The following CLVS2 variants were observed in gnomAD, a reference collection of about 807,000 sequenced individuals.
CLVS2 encodes the protein clavesin-2.
CLVS2 carries 19 observed loss-of-function variants against 29.0 expected under a neutral mutation model. That is an observed-to-expected ratio of 0.66 (90% CI 0.46 to 0.96). The LOEUF (loss-of-function observed/expected upper bound fraction) is 0.96. Ranked by LOEUF, CLVS2 falls within the 40% of genes least tolerant of loss-of-function variation. The pLI, the probability that CLVS2 is intolerant of heterozygous loss-of-function variation, is 0.00. For missense variants in CLVS2, 294 were observed against 404.1 expected, an observed-to-expected ratio of 0.73 and a Z score of 2.34; for synonymous variants, 161 against 151.3, an observed-to-expected ratio of 1.06 and a Z score of -0.47.
At chr6:123,046,211 A>G (rs879715323) in intron 3 of CLVS2, among the ~76,000 whole-genome samples, 12 of 152,182 alleles carry the variant, frequency 7.9e-5, no homozygotes, top group Non-Finnish European at 1.3e-4. Context: ...CTCTGCCTCA[A>G]CTGTGATTGG....
chr6:123,004,118 A>G lies in CLVS2; in HGVS notation c.389+5952A>G, dbSNP rs552841926. 2.0e-5 allele frequency among the ~76,000 whole-genome samples: 3 copies of G among 152,356 alleles called. No individual in the cohort carries two copies. In the South Asian group the frequency reaches 6.2e-4, roughly 32 times the overall value. ...AATTAGGAACAGAACGTTAAGATGG[A>G]AGAATAAACTTTCTGAAGTCAAAGA... On this transcript the variant is annotated intron_variant, in intron 2 of 5. Coordinates refer to ENST00000275162, the MANE Select transcript of CLVS2 (RefSeq NM_001010852.4).
chr6:123,071,017 C>G lies in CLVS2; in HGVS notation c.*7256C>G, dbSNP rs766594840. 1 of 152,080 alleles carries G rather than the reference C, an allele frequency of 6.6e-6. No homozygotes were observed. The highest frequency in any genetic ancestry group is 2.1e-4 in the South Asian group (1 of 4,824). 9.4% of individuals were successfully genotyped at this position (152,080 alleles called of 1,614,324 possible). The stretch of plus-strand genomic sequence containing the variant: ...CCTGTGGTTCTTCATATTCTCCTTT[C>G]CTGCTGTATTTCCTCTCCATAGCAT... On this transcript the variant is annotated 3_prime_UTR_variant, in exon 6 of 6. Transcript: ENST00000275162.
intron 3 of CLVS2, among the ~76,000 whole-genome samples, chr6:123,022,494 G>A (rs1475997644): frequency 6.6e-6 from 1 of 151,964 alleles, no homozygotes; most frequent in Non-Finnish European, 1.5e-5. Flanking sequence ...TTAGCATAAT[G>A]GTGGTAGGAG....
rs1774548485 is a variant in CLVS2, at chr6:122,998,744, G to T, written c.389+578G>T. On this transcript the variant is annotated intron_variant, in intron 2 of 5. Coordinates refer to ENST00000275162, the MANE Select transcript of CLVS2 (RefSeq NM_001010852.4). Reference sequence around the variant, plus strand: ...TGTCCCTTCAGTGAAAGGAAGAGTTGCATCCTCTGTCGCTGAGCATGCCTG... The same window carrying T: ...TGTCCCTTCAGTGAAAGGAAGAGTTTCATCCTCTGTCGCTGAGCATGCCTG... Among the ~76,000 whole-genome samples, 4 of 152,272 alleles carry T rather than the reference G, an allele frequency of 2.6e-5. No individual in the cohort carries two copies. In the South Asian group the frequency reaches 8.3e-4, roughly 32 times the overall value.
intron 3 of CLVS2, among the ~76,000 whole-genome samples, chr6:123,027,918 A>C (rs1440998127): frequency 6.6e-6 from 1 of 152,234 alleles, no homozygotes; most frequent in Admixed American, 6.5e-5. Flanking sequence ...TTATTATATT[A>C]ATGTACTGTG....
At chr6:123,004,273 AG>A (rs1243616999) in intron 2 of CLVS2, among the ~76,000 whole-genome samples, 4 of 152,074 alleles carry the variant, frequency 2.6e-5, no homozygotes, top group Admixed American at 6.5e-5. Context: ...TAGATGCAAA[AG>A]TTTTTTCTTT....
rs991024034 is a variant in CLVS2, at chr6:123,066,289, G to A, written c.*2528G>A. ...AATAACCTATACACTATAGTTGTATGCCTATAAGCACTCCTATACTCTTGT... is the reference window on the plus strand; with the variant it reads ...AATAACCTATACACTATAGTTGTATACCTATAAGCACTCCTATACTCTTGT... On this transcript the variant is annotated 3_prime_UTR_variant, in exon 6 of 6. Transcript: ENST00000275162. 2.0e-5 allele frequency: 3 copies of A among 151,386 alleles called. No individual in the cohort carries two copies. The highest frequency in any genetic ancestry group is 7.3e-5 in the African/African-American group (3 of 41,242). The allele number at this position is 151,386 out of a possible 1,614,324, so 9.4% of individuals were successfully genotyped here. A position where few individuals can be genotyped will look rare whatever the true frequency, so the allele number is the denominator to read the frequency against.
intron 3 of CLVS2, among the ~76,000 whole-genome samples, chr6:123,030,236 C>T (rs1775064155): frequency 6.6e-6 from 1 of 151,912 alleles, no homozygotes; most frequent in Non-Finnish European, 1.5e-5. Flanking sequence ...CATTTCTATC[C>T]GTGTTGGATC....
chr6:123,059,979 T>C (rs1483421681), intron 5 of CLVS2, among the ~76,000 whole-genome samples: 1 of 152,186 alleles, frequency 6.6e-6, no homozygotes, highest in East Asian at 1.9e-4. Context: ...ACATTTATGA[T>C]TCTATGGAAA....
Position 123,067,306 on chromosome 6 carries a change from C to T in CLVS2, c.*3545C>T, listed in dbSNP as rs1480735542. 2 of 151,604 alleles carry T rather than the reference C, an allele frequency of 1.3e-5. No homozygotes were observed. The highest frequency in any genetic ancestry group is 6.6e-5 in the Admixed American group (1 of 15,154). 9.4% of individuals were successfully genotyped at this position (151,604 alleles called of 1,614,324 possible). The stretch of plus-strand genomic sequence containing the variant: ...TGGGGAATATGTTTATGACTCTTCA[C>T]ATAAAGAAACCTTCAGAGCCATGGA... On this transcript the variant is annotated 3_prime_UTR_variant, in exon 6 of 6. Transcript: ENST00000275162.
At chr6:123,016,414 C>CT (rs925302809) in intron 3 of CLVS2, among the ~76,000 whole-genome samples, 1 of 151,382 alleles carries the variant, frequency 6.6e-6, no homozygotes, top group Non-Finnish European at 1.5e-5. Flanking sequence ...GAAACTTGGA[C>CT]TTTTTTATAA....
chr6:123,063,818 C>A lies in CLVS2; in HGVS notation c.*57C>A. On this transcript the variant is annotated 3_prime_UTR_variant, in exon 6 of 6. Coordinates refer to ENST00000275162, the MANE Select transcript of CLVS2 (RefSeq NM_001010852.4). ...AATGGAAAGTATTGGTTTTCAGCAA[C>A]AGGGACAACACTGTAGAGGAATTAC... 8.7e-7 allele frequency: 1 copy of A among 1,149,886 alleles called. No individual in the cohort carries two copies. The highest frequency in any genetic ancestry group is 1.3e-6 in the Non-Finnish European group (1 of 764,984). The allele number at this position is 1,149,886 out of a possible 1,614,324, so 71.2% of individuals were successfully genotyped here.
Position 123,048,619 on chromosome 6 carries a change from T to C in CLVS2, c.565-3T>C, listed in dbSNP as rs1001610689. The C allele has an allele frequency of 1.4e-5, 22 of 1,602,986 alleles. No individual in the cohort carries two copies. The highest frequency in any genetic ancestry group is 1.8e-5 in the Non-Finnish European group (21 of 1,170,144). On this transcript the variant is annotated splice_region_variant and splice_polypyrimidine_tract_variant and intron_variant, in intron 3 of 5. Transcript: ENST00000275162. The stretch of plus-strand genomic sequence containing the variant: ...GATTGTTTTTTTCTCCATGTTACTC[T>C]AGGATAGTTTCCCAGCGCGATTTGG...
At chr6:123,025,612 T>C (rs1236343572) in intron 3 of CLVS2, among the ~76,000 whole-genome samples, 4 of 152,286 alleles carry the variant, frequency 2.6e-5, no homozygotes, top group Admixed American at 2.6e-4. Flanking sequence ...TCGCTGCTGA[T>C]AGCTCAAGCT....
At chr6:123,009,698 C>G (rs768441560) in intron 2 of CLVS2, among the ~76,000 whole-genome samples, 1 of 151,788 alleles carries the variant, frequency 6.6e-6, no homozygotes, top group Non-Finnish European at 1.5e-5. Flanking sequence ...TGAGTGTGTC[C>G]GGGGAAAAAA....
intron 3 of CLVS2, among the ~76,000 whole-genome samples, chr6:123,040,723 G>A (rs907037533): frequency 1.3e-5 from 2 of 150,050 alleles, no homozygotes; most frequent in African/African-American, 2.5e-5. Flanking sequence ...AGCCGAGATC[G>A]CGCCATTGCA....
intron 3 of CLVS2, among the ~76,000 whole-genome samples, chr6:123,032,701 T>G (rs1396407869): frequency 6.6e-6 from 1 of 152,088 alleles, no homozygotes; most frequent in East Asian, 1.9e-4. Flanking sequence ...TGGTTTAATA[T>G]TCAAATTTTG....
At chr6:123,007,450 A>C (rs1237325710) in intron 2 of CLVS2, among the ~76,000 whole-genome samples, 1 of 152,208 alleles carries the variant, frequency 6.6e-6, no homozygotes, top group Non-Finnish European at 1.5e-5. Flanking sequence ...CTTTTAAGTT[A>C]CATAAACATG....
In CLVS2 at chr6:122,997,597, C is replaced by G. The variant is rs866008076; in HGVS notation, c.-181C>G. ...ACACCCCCCGGCCCCCCCAGCTTTG[C>G]TGGGGGAAAGCAGGAGCAACAGGGC... On this transcript the variant is annotated 5_prime_UTR_variant, in exon 2 of 6. Transcript: ENST00000275162. 3.3e-4 allele frequency: 167 copies of G among 504,450 alleles called. 1 individual carries two copies. The highest frequency in any genetic ancestry group is 1.8e-3 in the Middle Eastern group (3 of 1,668). 31.2% of individuals were successfully genotyped at this position (504,450 alleles called of 1,614,324 possible). A position where few individuals can be genotyped will look rare whatever the true frequency, so the allele number is the denominator to read the frequency against.
Sources: allele counts gnomAD v4.1 joint callset (sites outside exome capture counted in the v4.1 genomes callset), GRCh38; gene constraint gnomAD v4.1.1; transcripts MANE v1.5; gene names NCBI Gene and HGNC (gene_info 2026-07-23, HGNC 2026-07-21).